Variants in CCNH observed in about 807,000 individuals in gnomAD.
CCNH encodes cyclin H.
In CCNH, 31 loss-of-function variants were observed where a neutral mutation model predicts 41.9. The ratio of observed to expected loss-of-function variants is 0.74; its 90% confidence interval spans 0.56 to 1.00. CCNH has a LOEUF of 1.00. Among genes scored for constraint, CCNH ranks in the 50% least tolerant of loss-of-function variants. The probability of loss-of-function intolerance (pLI) is 0.00; values close to 1 mark genes in which losing one functional copy is unlikely to be tolerated. For missense variants in CCNH, 362 were observed against 388.4 expected (o/e 0.93, Z 0.57); for synonymous variants, 138 against 136.1 (o/e 1.01, Z -0.10).
At chr5:87,374,016 T>C (rs1761136900), downstream of CCNH, 2 of 604,684 alleles carry the variant, frequency 3.3e-6, no homozygotes, top group South Asian at 6.6e-5. Context: ...CATATACAAA[T>C]ATATAACCAA....
rs551929481 is a variant in CCNH at position 87,321,676 on chromosome 5, T to A, written c.*91-2779A>T. Among the ~76,000 whole-genome samples the A allele has an allele frequency of 1.1e-4, 17 of 152,370 alleles. No homozygotes were observed. The South Asian group carries it at 3.1e-3, about 28-fold the overall frequency. On this transcript the variant is annotated intron_variant and NMD_transcript_variant, in intron 9 of 9. Coordinates refer to the CCNH transcript ENST00000645953. Reference sequence around the variant, plus strand: ...AGGGTCCCAAATGTAGGAGCCTCTGTTTCCGTGGAGTTAGGGTATGCCACT... The same window carrying A: ...AGGGTCCCAAATGTAGGAGCCTCTGATTCCGTGGAGTTAGGGTATGCCACT...
At chr5:87,312,428 A>AT in the CCNH span, among the ~76,000 whole-genome samples, 1 of 152,218 alleles carries the variant, frequency 6.6e-6, no homozygotes, top group Non-Finnish European at 1.5e-5. Flanking sequence ...CAGTTACTCC[A>AT]TTATGTGTAA....
At chr5:87,411,102 C>CA in intron 2 of CCNH, 122 bp downstream of exon 2, 1 of 1,003,450 alleles carries the variant, frequency 1.0e-6, no homozygotes, top group East Asian at 2.7e-5. Flanking sequence ...TATAATGTGC[C>CA]AAAAACTAAT....
chr5:87,377,189 G>A (rs1184253607), upstream of CCNH: 17 of 1,018,178 alleles, frequency 1.7e-5, 1 homozygote, highest in South Asian at 1.1e-4. Context: ...ATTGCAGTTG[G>A]ATGTCAGTTC....
intron 9 of CCNH, among the ~76,000 whole-genome samples, chr5:87,364,991 G>GGC (rs1255584873): frequency 1.3e-5 from 2 of 152,080 alleles, no homozygotes; most frequent in African/African-American, 4.8e-5. Flanking sequence ...ATGTTGGAGA[G>GGC]GCAACACTAT....
downstream of CCNH, among the ~76,000 whole-genome samples, chr5:87,376,080 G>A (rs186599146): frequency 3.1e-4 from 47 of 152,168 alleles, no homozygotes; most frequent in Middle Eastern, 3.4e-3. Flanking sequence ...TACTCGAATA[G>A]CATTCACCAC....
chr5:87,391,803 G>C (rs1580424967), downstream of CCNH: 1 of 231,798 alleles, frequency 4.3e-6, no homozygotes, highest in Non-Finnish European at 8.5e-6. Context: ...CTGACTACTT[G>C]TTGTATCTGC....
At chr5:87,406,465 C>T (rs767122234) in intron 4 of CCNH, among the ~76,000 whole-genome samples, 51 of 152,256 alleles carry the variant, frequency 3.3e-4, no homozygotes, top group South Asian at 8.3e-4. Flanking sequence ...TCTATTGATT[C>T]TACCTAACTA....
chr5:87,318,174 T>C (rs911723069), downstream of CCNH, among the ~76,000 whole-genome samples: 6 of 152,166 alleles, frequency 3.9e-5, no homozygotes, highest in Admixed American at 1.3e-4. Context: ...GCTTCTATTA[T>C]AACCCCCACA....
At chr5:87,384,033 CT>C (rs1433526074) in intron 9 of CCNH, among the ~76,000 whole-genome samples, 2 of 152,014 alleles carry the variant, frequency 1.3e-5, no homozygotes, top group African/African-American at 2.4e-5. Context: ...TTTTCTACCC[CT>C]ATTTGTGTCT....
chr5:87,329,660 A>C (rs999194430), intron 9 of CCNH, among the ~76,000 whole-genome samples: 17 of 152,298 alleles, frequency 1.1e-4, no homozygotes, highest in African/African-American at 3.8e-4. Flanking sequence ...ACAAATAACA[A>C]GTATATAAAA....
intron 9 of CCNH, chr5:87,369,724 A>G (rs945514658): frequency 2.4e-6 from 2 of 827,646 alleles, no homozygotes; most frequent in Non-Finnish European, 4.0e-6. Context: ...TTTTATGTTA[A>G]TTATTTATTG....
At chr5:87,348,259 A>C (rs1203269967) in intron 9 of CCNH, among the ~76,000 whole-genome samples, 1 of 151,992 alleles carries the variant, frequency 6.6e-6, no homozygotes, top group African/African-American at 2.4e-5. Flanking sequence ...TTACTTCATA[A>C]GTGCCTTGAT....
At chr5:87,405,126 A>C in intron 4 of CCNH, 119 bp from the exon 5 acceptor site, 2 of 695,448 alleles carry the variant, frequency 2.9e-6, no homozygotes, top group Non-Finnish European at 4.8e-6. Flanking sequence ...TAAAGTTCCT[A>C]GCACAGTAAT....
In CCNH at chr5:87,412,789, G is replaced by A. The variant is rs1764371813; in HGVS notation, c.6C>T (p.Tyr2=). 2 of 1,614,086 alleles carry A rather than the reference G, an allele frequency of 1.2e-6. No individual in the cohort carries two copies. The highest frequency in any genetic ancestry group is 1.7e-6 in the Non-Finnish European group (2 of 1,179,934). M[Y]HNSSQKRHWT... is the part of the protein sequence containing the mutation. ...AGTGCCGCTTCTGACTACTGTTGTG[G>A]TACATTATGGAATCGTGACCAGGTC... Residue 2 remains tyrosine, a synonymous_variant, in exon 1 of 9, where the codon TAC becomes TAT. Coordinates refer to ENST00000256897, the MANE Select transcript of CCNH (RefSeq NM_001239.4).
chr5:87,341,277 G>A, intron 9 of CCNH: 1 of 1,326,192 alleles, frequency 7.5e-7, no homozygotes, highest in Non-Finnish European at 9.7e-7. Context: ...CTGTCTTAAT[G>A]TCTTCCCTTT....
downstream of CCNH, among the ~76,000 whole-genome samples, chr5:87,315,419 T>C (rs932594076): frequency 4.6e-5 from 7 of 152,164 alleles, no homozygotes; most frequent in Non-Finnish European, 7.4e-5. Context: ...TGCCCCACCC[T>C]GATGACCCTA....
intron 6 of CCNH, among the ~76,000 whole-genome samples, chr5:87,399,873 G>A (rs1281458702): frequency 3.3e-5 from 5 of 152,086 alleles, no homozygotes; most frequent in South Asian, 2.1e-4. Flanking sequence ...AACCATCTTC[G>A]TAGTATTCTA....
At chr5:87,389,256 G>GGGAGGC (rs1467178269), downstream of CCNH, 4 of 1,074,632 alleles carry the variant, frequency 3.7e-6, no homozygotes, top group South Asian at 5.4e-5. Context: ...GCTTGAACCC[G>GGGAGGC]GGAGGCGGAG....
Sources: allele counts gnomAD v4.1 joint callset (sites outside exome capture counted in the v4.1 genomes callset), GRCh38; gene constraint gnomAD v4.1.1; transcripts MANE v1.5; gene names NCBI Gene and HGNC (gene_info 2026-07-23, HGNC 2026-07-21).